The following SEMA3A variants were observed in gnomAD, a reference collection of about 807,000 sequenced individuals.
SEMA3A encodes semaphorin-3A.
A neutral mutation model predicts 97.9 loss-of-function variants in SEMA3A; 29 were observed. That is an observed-to-expected ratio of 0.30 (90% CI 0.22 to 0.40). SEMA3A has a LOEUF of 0.40. SEMA3A is among the 10% of genes least tolerant of loss of function. SEMA3A has a pLI of 1.00. For missense variants in SEMA3A, 763 were observed against 951.3 expected, an observed-to-expected ratio of 0.80 and a Z score of 2.60; for synonymous variants, 321 against 323.7, an observed-to-expected ratio of 0.99 and a Z score of 0.09.
chr7:84,462,451 A>T (rs2116390574), intron 1 of SEMA3A, among the ~76,000 whole-genome samples: 1 of 152,294 alleles, frequency 6.6e-6, no homozygotes, highest in African/African-American at 2.4e-5. Flanking sequence ...GTGAGGAACT[A>T]ATTTTCCATG....
At chr7:83,963,934 A>G (rs138051790) in intron 15 of SEMA3A, among the ~76,000 whole-genome samples, 172 of 152,264 alleles carry the variant, frequency 1.1e-3, no homozygotes, top group African/African-American at 3.9e-3. Flanking sequence ...CTGAAGATCA[A>G]TTGGTGTGAA....
At chr7:84,037,102 T>C (rs369989715) in intron 6 of SEMA3A, among the ~76,000 whole-genome samples, 1 of 152,078 alleles carries the variant, frequency 6.6e-6, no homozygotes, top group East Asian at 1.9e-4. Context: ...CTTTCTTCCT[T>C]CCTCTCCTTC....
intron 9 of SEMA3A, 126 bp from the exon 10 acceptor site, chr7:84,007,623 A>C: frequency 1.2e-6 from 1 of 847,342 alleles, no homozygotes; most frequent in Non-Finnish European, 1.6e-6. Context: ...CTTAGCAATA[A>C]TGTTTGGGAT....
chr7:84,099,800 G>C (rs1794901976), intron 4 of SEMA3A, among the ~76,000 whole-genome samples: 1 of 151,926 alleles, frequency 6.6e-6, no homozygotes, highest in Non-Finnish European at 1.5e-5. Flanking sequence ...ATCAGAATAG[G>C]GTCTTATGAT....
In SEMA3A at chr7:84,419,742, G is replaced by A. The variant is rs191999515; in HGVS notation, c.-245-47842C>T. On this transcript the variant is annotated intron_variant, in intron 1 of 3. Transcript: ENST00000424555. ...TTTCACATCTGGGTGATCTCTATCT[G>A]AGAAGTGCAATAACTAAATTGAAAA... Among the ~76,000 whole-genome samples the A allele has an allele frequency of 8.3e-4, 127 of 152,214 alleles. 1 individual carries two copies. The highest frequency in any genetic ancestry group is 3.4e-3 in the Middle Eastern group (1 of 294).
Position 83,961,109 on chromosome 7 carries a change from A to T in SEMA3A, c.*262T>A. ...AAGAAAGACAAACCTGTACAGTGAA[A>T]TCTCATAGGAAACATTAAGTCTGCT... On this transcript the variant is annotated 3_prime_UTR_variant, in exon 17 of 17. Coordinates refer to ENST00000265362, the MANE Select transcript of SEMA3A (RefSeq NM_006080.3). 4.3e-6 allele frequency: 2 copies of T among 469,372 alleles called. No homozygotes were observed. Among genetic ancestry groups the T allele is most frequent in the Non-Finnish European group, 7.7e-6 (2 of 259,108 alleles). 29.1% of individuals were successfully genotyped at this position (469,372 alleles called of 1,614,324 possible).
intron 3 of SEMA3A, among the ~76,000 whole-genome samples, chr7:84,230,280 C>A (rs1584148125): frequency 6.6e-6 from 1 of 152,000 alleles, no homozygotes; most frequent in Middle Eastern, 3.4e-3. Flanking sequence ...AGTCTAACAA[C>A]TTTTAAAAAT....
At chr7:84,352,632 A>G (rs773598329) in intron 2 of SEMA3A, among the ~76,000 whole-genome samples, 55 of 151,936 alleles carry the variant, frequency 3.6e-4, no homozygotes, top group Non-Finnish European at 6.3e-4. Flanking sequence ...TAGTCAGTAT[A>G]GTGAGGGCCA....
intron 4 of SEMA3A, among the ~76,000 whole-genome samples, chr7:84,097,092 C>G (rs1012478360): frequency 3.9e-5 from 6 of 151,958 alleles, no homozygotes. Context: ...AAATGTGGGA[C>G]GCCAAGCATC....
intron 1 of SEMA3A, among the ~76,000 whole-genome samples, chr7:84,410,253 A>G (rs1365761615): frequency 6.6e-6 from 1 of 152,084 alleles, no homozygotes; most frequent in African/African-American, 2.4e-5. Context: ...TTATATATTT[A>G]CCTTTATATT....
At chr7:84,043,805 G>A (rs1466284826) in intron 6 of SEMA3A, among the ~76,000 whole-genome samples, 1 of 152,010 alleles carries the variant, frequency 6.6e-6, no homozygotes, top group African/African-American at 2.4e-5. Context: ...AGTGCTGAGA[G>A]ACTGATAACT....
chr7:83,980,549 G>A (rs1789348720), intron 14 of SEMA3A, among the ~76,000 whole-genome samples: 1 of 143,144 alleles, frequency 7.0e-6, no homozygotes, highest in Non-Finnish European at 1.5e-5. Context: ...AGGTTGCAGT[G>A]AGCCGAGATT....
chr7:84,144,259 C>T (rs1796401433), intron 1 of SEMA3A, among the ~76,000 whole-genome samples: 1 of 151,966 alleles, frequency 6.6e-6, no homozygotes, highest in African/African-American at 2.4e-5. Flanking sequence ...TCATAGGCTG[C>T]AAATTCCTCC....
intron 3 of SEMA3A, among the ~76,000 whole-genome samples, chr7:84,127,417 T>C (rs1584005323): frequency 2.0e-5 from 3 of 152,240 alleles, no homozygotes; most frequent in South Asian, 2.1e-4. Context: ...TTCTTAGCTA[T>C]AAATTTCCAC....
intron 2 of SEMA3A, among the ~76,000 whole-genome samples, chr7:84,348,328 G>C (rs1802353959): frequency 1.3e-5 from 2 of 152,078 alleles, no homozygotes; most frequent in African/African-American, 4.8e-5. Context: ...CCAAAGTTAA[G>C]ATTAGTTTTC....
At chr7:84,213,098 C>T (rs34231292) in intron 3 of SEMA3A, among the ~76,000 whole-genome samples, 8,651 of 151,920 alleles carry the variant, frequency 0.057, 284 homozygotes, top group Middle Eastern at 0.1. Flanking sequence ...CTGCCTCAGC[C>T]TCCCTAGCAG....
At chr7:84,478,123 C>T (rs539163298) in intron 1 of SEMA3A, among the ~76,000 whole-genome samples, 3 of 152,284 alleles carry the variant, frequency 2.0e-5, no homozygotes, top group East Asian at 1.9e-4. Context: ...GAGAGACCCT[C>T]CCCTGCCCTC....
intron 5 of SEMA3A, among the ~76,000 whole-genome samples, chr7:84,060,083 A>G (rs539945306): frequency 1.3e-5 from 2 of 152,320 alleles, no homozygotes; most frequent in East Asian, 3.9e-4. Flanking sequence ...TTTTCCAAAA[A>G]AGAAGAGCTA....
chr7:84,110,666 G>T, intron 3 of SEMA3A, 77 bp from the exon 4 acceptor site: 1 of 1,466,346 alleles, frequency 6.8e-7, no homozygotes, highest in Non-Finnish European at 9.2e-7. Context: ...TAGGCATGCT[G>T]GAACAGATTT....
Sources: allele counts gnomAD v4.1 joint callset (sites outside exome capture counted in the v4.1 genomes callset), GRCh38; gene constraint gnomAD v4.1.1; transcripts MANE v1.5; gene names NCBI Gene and HGNC (gene_info 2026-07-23, HGNC 2026-07-21).